Variants in COL4A2 observed in about 807,000 individuals in gnomAD.
COL4A2 encodes collagen type IV alpha 2 chain.
A neutral mutation model predicts 200.2 loss-of-function variants in COL4A2; 99 were observed. The observed-to-expected ratio is 0.49, with a 90% CI of 0.42 to 0.58. The LOEUF (loss-of-function observed/expected upper bound fraction) is 0.58, where lower values mean the gene tolerates loss of function less well. Ranked by LOEUF, COL4A2 falls within the 20% of genes least tolerant of loss-of-function variation. COL4A2 has a pLI of 0.00. For missense variants in COL4A2, 1,950 were observed against 2,314.1 expected (o/e 0.84, Z 3.23); for synonymous variants, 897 against 900.6 (o/e 1.00, Z 0.07).
At chr13:110,505,545 C>G (rs1269842950) in intron 45 of COL4A2, among the ~76,000 whole-genome samples, 1 of 151,982 alleles carries the variant, frequency 6.6e-6, no homozygotes, top group Non-Finnish European at 1.5e-5. Context: ...GGGGAAGTGT[C>G]CTGGGAGAAA....
intron 3 of COL4A2, among the ~76,000 whole-genome samples, chr13:110,337,013 C>T (rs796959500): frequency 1.3e-5 from 2 of 152,332 alleles, no homozygotes; most frequent in African/African-American, 4.8e-5. Context: ...GGGTACTGCA[C>T]TGGTTAGCAA....
intron 3 of COL4A2, among the ~76,000 whole-genome samples, chr13:110,324,923 G>A (rs773714585): frequency 6.6e-6 from 1 of 152,188 alleles, no homozygotes; most frequent in Non-Finnish European, 1.5e-5. Context: ...CTTTGGAAGG[G>A]TTAAGGAATT....
chr13:110,493,623 T>C (rs1329472628), intron 39 of COL4A2, among the ~76,000 whole-genome samples: 1 of 152,168 alleles, frequency 6.6e-6, no homozygotes, highest in Non-Finnish European at 1.5e-5. Context: ...GAGTGTTCAC[T>C]CTGCCCATTG....
At chr13:110,435,180 T>A (rs909822934) in intron 12 of COL4A2, among the ~76,000 whole-genome samples, 1 of 152,200 alleles carries the variant, frequency 6.6e-6, no homozygotes, top group African/African-American at 2.4e-5. Context: ...TTCTTTACAT[T>A]AATGCCATAG....
intron 29 of COL4A2, 117 bp downstream of exon 29, chr13:110,473,267 C>A: frequency 5.8e-6 from 5 of 860,658 alleles, no homozygotes; most frequent in South Asian, 1.7e-5. Context: ...ATAGTGCTAG[C>A]CATGCGTACC....
intron 3 of COL4A2, among the ~76,000 whole-genome samples, chr13:110,319,460 C>G (rs1885225795): frequency 6.6e-6 from 1 of 152,120 alleles, no homozygotes; most frequent in Non-Finnish European, 1.5e-5. Flanking sequence ...CATAAAAATG[C>G]AGAACAGAAT....
chr13:110,438,309 A>T (rs7983126), intron 14 of COL4A2, among the ~76,000 whole-genome samples: 1 of 152,088 alleles, frequency 6.6e-6, no homozygotes, highest in South Asian at 2.1e-4. Flanking sequence ...CGTGGCTTCC[A>T]CTCAGGCGCC....
At chr13:110,484,103 A>T (rs1566560848) in intron 32 of COL4A2, among the ~76,000 whole-genome samples, 2 of 152,112 alleles carry the variant, frequency 1.3e-5, no homozygotes, top group Non-Finnish European at 2.9e-5. Flanking sequence ...GGCAAAAAAA[A>T]AAAATGACAT....
In COL4A2 at chr13:110,489,798, T is replaced by C; in HGVS notation, c.3346+13T>C. 6.2e-7 allele frequency: 1 copy of C among 1,600,972 alleles called. No homozygotes were observed. The highest frequency in any genetic ancestry group is 8.5e-7 in the Non-Finnish European group (1 of 1,174,352). On this transcript the variant is annotated intron_variant, in intron 36 of 47. Transcript: ENST00000360467. ...ACTGGAATACCAGGTACGCAAGTTATTTTCCTTGTCTTCATCTTCAACAAC... is the reference window on the plus strand; with the variant it reads ...ACTGGAATACCAGGTACGCAAGTTACTTTCCTTGTCTTCATCTTCAACAAC...
intron 28 of COL4A2, among the ~76,000 whole-genome samples, chr13:110,469,810 C>T (rs991425344): frequency 6.6e-6 from 1 of 151,890 alleles, no homozygotes; most frequent in Admixed American, 6.6e-5. Context: ...CTCTGGAATG[C>T]AGCCAGGCGT....
At chr13:110,434,365 CT>C in intron 11 of COL4A2, 35 bp from the exon 12 acceptor site, 1 of 1,589,136 alleles carries the variant, frequency 6.3e-7, no homozygotes, top group Non-Finnish European at 8.6e-7. Flanking sequence ...TGATTATTGG[CT>C]TTTTAAAACT....
intron 16 of COL4A2, among the ~76,000 whole-genome samples, chr13:110,441,094 A>G (rs1349164486): frequency 1.3e-5 from 2 of 152,196 alleles, no homozygotes; most frequent in African/African-American, 2.4e-5. Flanking sequence ...CTGCCTGCCC[A>G]TGGGCTAGTA....
intron 4 of COL4A2, among the ~76,000 whole-genome samples, chr13:110,366,433 G>A (rs1877755889): frequency 6.6e-6 from 1 of 152,128 alleles, no homozygotes; most frequent in African/African-American, 2.4e-5. Flanking sequence ...TCCTGCCTGT[G>A]AGCGGTCTTC....
intron 4 of COL4A2, among the ~76,000 whole-genome samples, chr13:110,401,681 A>G (rs2139431147): frequency 6.6e-6 from 1 of 152,312 alleles, no homozygotes; most frequent in African/African-American, 2.4e-5. Flanking sequence ...ACGTCTTGAA[A>G]ACCAAATTTC....
At chr13:110,509,711 G>A (rs1282582703) in intron 47 of COL4A2, among the ~76,000 whole-genome samples, 2 of 152,122 alleles carry the variant, frequency 1.3e-5, no homozygotes, top group Admixed American at 6.5e-5. Flanking sequence ...TGACTGTCAC[G>A]AGATAAGCAG....
At chr13:110,355,602 AC>A (rs1877191978) in intron 3 of COL4A2, among the ~76,000 whole-genome samples, 2 of 37,952 alleles carry the variant, frequency 5.3e-5, no homozygotes, top group South Asian at 1.2e-3. Flanking sequence ...GTACCAGCTC[AC>A]CTGTGTGTGT....
At chr13:110,498,645 CA>C (rs2139545926) in intron 40 of COL4A2, among the ~76,000 whole-genome samples, 1 of 152,344 alleles carries the variant, frequency 6.6e-6, no homozygotes, top group East Asian at 1.9e-4. Context: ...AATACCTCAG[CA>C]AAATGCTTGT....
intron 26 of COL4A2, 68 bp downstream of exon 26, chr13:110,466,130 T>G: frequency 1.1e-4 from 174 of 1,544,984 alleles, no homozygotes; most frequent in Non-Finnish European, 1.4e-4. Flanking sequence ...GGTTAAGCTC[T>G]TGCAGTATGC....
intron 3 of COL4A2, among the ~76,000 whole-genome samples, chr13:110,331,475 G>A (rs1186886333): frequency 6.6e-6 from 1 of 152,214 alleles, no homozygotes; most frequent in Non-Finnish European, 1.5e-5. Flanking sequence ...GGCCCATGCA[G>A]ACTCACGCCT....
Sources: gnomAD v4.1 joint callset for allele counts (sites outside exome capture counted in the v4.1 genomes callset) on GRCh38, gnomAD v4.1.1 for gene constraint, MANE v1.5 for transcripts, NCBI Gene and HGNC (gene_info 2026-07-23, HGNC 2026-07-21) for gene names.